GRID1: variants seen among roughly 807,000 people sequenced by gnomAD.
The protein encoded by GRID1 is glutamate receptor ionotropic, delta-1.
In GRID1, 28 loss-of-function variants were observed where a neutral mutation model predicts 98.0. The observed-to-expected ratio is 0.29, with a 90% CI of 0.21 to 0.39. GRID1 has a LOEUF of 0.39. Ranked by LOEUF, GRID1 falls within the 10% of genes least tolerant of loss-of-function variation. GRID1 has a pLI of 1.00. For missense variants in GRID1, 1,111 were observed against 1,340.5 expected, an observed-to-expected ratio of 0.83 and a Z score of 2.67; for synonymous variants, 553 against 538.5, an observed-to-expected ratio of 1.03 and a Z score of -0.37.
chr10:86,169,477 G>A (rs1447212323), intron 3 of GRID1, among the ~76,000 whole-genome samples: 1 of 152,182 alleles, frequency 6.6e-6, no homozygotes, highest in Non-Finnish European at 1.5e-5. Flanking sequence ...GCATGCCCCT[G>A]CACAGGGGTA....
At chr10:85,999,200 A>G (rs1410223071) in intron 4 of GRID1, among the ~76,000 whole-genome samples, 1 of 141,842 alleles carries the variant, frequency 7.1e-6, no homozygotes, top group Non-Finnish European at 1.5e-5. Flanking sequence ...CAACAGAGCA[A>G]GACTCTATTT....
chr10:85,782,444 AC>A (rs1418708752), intron 8 of GRID1, among the ~76,000 whole-genome samples: 1 of 152,190 alleles, frequency 6.6e-6, no homozygotes, highest in African/African-American at 2.4e-5. Flanking sequence ...AACCTTGGGG[AC>A]CCAGCAATTA....
intron 4 of GRID1, among the ~76,000 whole-genome samples, chr10:85,946,897 GCA>G (rs1448529379): frequency 1.3e-5 from 2 of 152,172 alleles, no homozygotes; most frequent in African/African-American, 4.8e-5. Context: ...AATATGAGAA[GCA>G]CACAGTCATA....
intron 8 of GRID1, among the ~76,000 whole-genome samples, chr10:85,813,282 G>A (rs1402623749): frequency 6.6e-6 from 1 of 151,420 alleles, no homozygotes; most frequent in Non-Finnish European, 1.5e-5. Flanking sequence ...AGAAAACCAT[G>A]TCTACATACA....
intron 8 of GRID1, among the ~76,000 whole-genome samples, chr10:85,787,400 T>TG (rs1056265720): frequency 6.6e-6 from 1 of 152,224 alleles, no homozygotes; most frequent in African/African-American, 2.4e-5. Context: ...AGAGGTCCTG[T>TG]GGGTGAAGCT....
At chr10:85,848,553 G>A (rs1843028009) in intron 8 of GRID1, among the ~76,000 whole-genome samples, 1 of 152,088 alleles carries the variant, frequency 6.6e-6, no homozygotes, top group South Asian at 2.1e-4. Flanking sequence ...TTACAATAAA[G>A]AGCAATTTGA....
rs563380751 is a variant in GRID1 at position 85,616,609 on chromosome 10, T to C, written c.2361-2962A>G. On this transcript the variant is annotated intron_variant, in intron 14 of 15. Coordinates refer to ENST00000327946, the MANE Select transcript of GRID1 (RefSeq NM_017551.3). ...ATCCCAGAATGATAGTAAGGCAATTTATACGAAAGCATAACATAAAACAAA... is the reference window on the plus strand; with the variant it reads ...ATCCCAGAATGATAGTAAGGCAATTCATACGAAAGCATAACATAAAACAAA... Among the ~76,000 whole-genome samples, 66 of 152,346 alleles carry C rather than the reference T, an allele frequency of 4.3e-4. 1 individual carries two copies. Among genetic ancestry groups the C allele is most frequent in the Middle Eastern group, 3.4e-3 (1 of 294 alleles).
At chr10:85,947,133 C>T (rs1267722383) in intron 4 of GRID1, among the ~76,000 whole-genome samples, 1 of 152,176 alleles carries the variant, frequency 6.6e-6, no homozygotes, top group South Asian at 2.1e-4. Flanking sequence ...ACAGCATGGC[C>T]GTGGCTGCAT....
intron 2 of GRID1, among the ~76,000 whole-genome samples, chr10:86,296,902 C>T (rs1175070478): frequency 2.0e-5 from 3 of 152,098 alleles, no homozygotes; most frequent in African/African-American, 7.2e-5. Context: ...AGATCTCATT[C>T]ACAGAAGCAA....
chr10:86,327,815 C>T (rs775235748), intron 2 of GRID1, among the ~76,000 whole-genome samples: 21 of 152,138 alleles, frequency 1.4e-4, no homozygotes, highest in Non-Finnish European at 2.8e-4. Flanking sequence ...CTTACCCTGT[C>T]GCTGGGTGTG....
At chr10:85,696,457 C>T (rs1371534313) in intron 12 of GRID1, among the ~76,000 whole-genome samples, 2 of 151,912 alleles carry the variant, frequency 1.3e-5, no homozygotes, top group Admixed American at 1.3e-4. Context: ...TGAAGAAGAG[C>T]AGAAAACTAT....
chr10:86,312,793 G>A (rs1847849457), intron 2 of GRID1, among the ~76,000 whole-genome samples: 1 of 152,238 alleles, frequency 6.6e-6, no homozygotes, highest in Non-Finnish European at 1.5e-5. Context: ...AGCCTGGAGT[G>A]TGTCTTCTGC....
chr10:85,963,351 C>T (rs1842294854), intron 4 of GRID1, among the ~76,000 whole-genome samples: 1 of 152,172 alleles, frequency 6.6e-6, no homozygotes, highest in African/African-American at 2.4e-5. Context: ...TTGACCATCA[C>T]CTCTCTGCCA....
chr10:85,905,989 A>G (rs1411910855), intron 5 of GRID1, among the ~76,000 whole-genome samples: 2 of 152,122 alleles, frequency 1.3e-5, no homozygotes, highest in Non-Finnish European at 2.9e-5. Context: ...CAAGACCTAA[A>G]TAAGTGCTGC....
intron 4 of GRID1, among the ~76,000 whole-genome samples, chr10:86,059,709 C>A (rs1335419104): frequency 1.3e-5 from 2 of 152,166 alleles, no homozygotes; most frequent in African/African-American, 4.8e-5. Flanking sequence ...TTGATGGAAT[C>A]GTTAAAAGAG....
chr10:86,194,852 T>A (rs1057481609), intron 3 of GRID1, among the ~76,000 whole-genome samples: 1 of 151,984 alleles, frequency 6.6e-6, no homozygotes, highest in African/African-American at 2.4e-5. Context: ...TACGGCTCTA[T>A]GGTGAGCACT....
chr10:85,881,601 T>C lies in GRID1; in HGVS notation c.781-12421A>G, dbSNP rs529568645. The stretch of plus-strand genomic sequence containing the variant: ...GAAAGCTGAAACTAGATCCCTTCCT[T>C]ACACCTTATACAAAAATTAATTCAA... On this transcript the variant is annotated intron_variant, in intron 5 of 15. Transcript: ENST00000327946. Among the ~76,000 whole-genome samples the C allele has an allele frequency of 2.0e-5, 3 of 152,280 alleles. No homozygotes were observed. The East Asian group carries it at 5.8e-4, about 29-fold the overall frequency.
intron 4 of GRID1, among the ~76,000 whole-genome samples, chr10:85,922,816 AG>A (rs910775254): frequency 2.6e-5 from 4 of 152,160 alleles, no homozygotes; most frequent in African/African-American, 9.7e-5. Flanking sequence ...AGTTTTCAGA[AG>A]TTATGCCGGG....
At chr10:85,653,183 G>T (rs75499335) in intron 12 of GRID1, among the ~76,000 whole-genome samples, 5,018 of 152,304 alleles carry the variant, frequency 0.033, 130 homozygotes, top group Middle Eastern at 0.048. Flanking sequence ...CAGGCTGCAG[G>T]CCCTCTGAAG....
Sources: gnomAD v4.1 joint callset for allele counts (sites outside exome capture counted in the v4.1 genomes callset) on GRCh38, gnomAD v4.1.1 for gene constraint, MANE v1.5 for transcripts, NCBI Gene and HGNC (gene_info 2026-07-23, HGNC 2026-07-21) for gene names.